FAAH2: variants seen among roughly 807,000 people sequenced by gnomAD.
FAAH2 encodes the protein fatty-acid amide hydrolase 2.
Under a neutral mutation model 36.9 loss-of-function variants are expected in FAAH2, and 60 were observed. The ratio of observed to expected loss-of-function variants is 1.63; its 90% CI spans 1.32 to 2.02. The LOEUF (loss-of-function observed/expected upper bound fraction) is 2.02. FAAH2 is among the 30% of genes most tolerant of loss of function. The probability of loss-of-function intolerance (pLI) is 0.00; values close to 1 mark genes in which losing one functional copy is unlikely to be tolerated. For missense variants in FAAH2, 689 were observed against 397.5 expected, an observed-to-expected ratio of 1.73 and a Z score of -6.23; for synonymous variants, 214 against 143.8, an observed-to-expected ratio of 1.49 and a Z score of -3.49.
chrX:57,280,602 TG>T, the FAAH2 span, among the ~76,000 whole-genome samples: 1 of 109,027 alleles, frequency 9.2e-6, no homozygotes, highest in African/African-American at 3.3e-5. Context: ...CATATATTGC[TG>T]GTGGCATAAA....
chrX:57,351,973 T>C (rs1394097544), intron 5 of FAAH2, among the ~76,000 whole-genome samples: 1 of 91,963 alleles, frequency 1.1e-5, no homozygotes, highest in Non-Finnish European at 2.1e-5. Flanking sequence ...AAGGCCAGGA[T>C]CACTCTGATA....
chrX:57,372,308 T>C (rs1218383759), intron 5 of FAAH2, among the ~76,000 whole-genome samples: 2 of 111,377 alleles, frequency 1.8e-5, no homozygotes, highest in Non-Finnish European at 3.8e-5. Flanking sequence ...TGCCAGCATC[T>C]GTAATTTTTT....
At chrX:57,436,357 TA>T (rs768259739) in intron 8 of FAAH2, among the ~76,000 whole-genome samples, 311 of 102,997 alleles carry the variant, frequency 3.0e-3, no homozygotes, top group African/African-American at 9.5e-3. Flanking sequence ...GAAAATGAGT[TA>T]AAAAAAAAAA....
At chrX:57,185,488 CTGTGTGTGTGTG>C in the FAAH2 span, among the ~76,000 whole-genome samples, 17 of 94,012 alleles carry the variant, frequency 1.8e-4, no homozygotes, top group African/African-American at 5.6e-4. Flanking sequence ...CTCTCTGTCT[CTGTGTGTGTGTG>C]TGTGTGTGTG....
intron 8 of FAAH2, among the ~76,000 whole-genome samples, chrX:57,438,211 CTATA>C (rs755805658): frequency 1.0e-5 from 1 of 96,476 alleles, no homozygotes; most frequent in Non-Finnish European, 2.0e-5. Context: ...ATCTATATCA[CTATA>C]TATATATCAG....
intron 10 of FAAH2, among the ~76,000 whole-genome samples, chrX:57,460,874 G>T (rs953164001): frequency 9.0e-6 from 1 of 111,323 alleles, no homozygotes; most frequent in African/African-American, 3.3e-5. Flanking sequence ...ATAAAGAGTC[G>T]AGACCCATCA....
intron 8 of FAAH2, among the ~76,000 whole-genome samples, chrX:57,445,510 A>C (rs1417415715): frequency 1.8e-5 from 2 of 111,431 alleles, no homozygotes; most frequent in Non-Finnish European, 3.8e-5. Context: ...TAATGTTTAT[A>C]GGAGACTCTG....
In FAAH2 at chrX:57,447,004, G is replaced by T. The variant is rs1237602143; in HGVS notation, c.1193G>T (p.Cys398Phe). 8 of 1,208,218 alleles carry T rather than the reference G, an allele frequency of 6.6e-6. No homozygotes were observed. The highest frequency in any genetic ancestry group is 9.0e-6 in the Non-Finnish European group (8 of 893,279). Residue 398 changes from cysteine (C) to phenylalanine (F), a missense_variant, in exon 9 of 11, where the codon TGC becomes TTC. By Grantham distance (205) the Cys-to-Phe change is radical. Coordinates refer to ENST00000374900, the MANE Select transcript of FAAH2 (RefSeq NM_174912.4). ...CCTCTGTGGGAGTTGATCAAATGGT[G>T]CCTGGGTCTGTCAGTGTACACCATC... is the stretch of plus-strand genomic sequence containing the variant. ...VSPLWELIKWCLGLSVYTIPS... is the reference protein window; with the variant it reads ...VSPLWELIKWFLGLSVYTIPS...
intron 5 of FAAH2, among the ~76,000 whole-genome samples, chrX:57,350,058 C>T (rs894286903): frequency 9.0e-6 from 1 of 111,080 alleles, no homozygotes; most frequent in Non-Finnish European, 1.9e-5. Flanking sequence ...AACAATGACC[C>T]TCTCAGCAGA....
chrX:57,321,158 G>A (rs184649064), intron 3 of FAAH2, among the ~76,000 whole-genome samples: 1 of 109,243 alleles, frequency 9.2e-6, no homozygotes, highest in East Asian at 2.9e-4. Flanking sequence ...AAAGAAAACC[G>A]GATGAATGCA....
chrX:57,378,666 A>T lies in FAAH2; in HGVS notation c.758A>T (p.Lys253Ile). 1 of 1,210,993 alleles carries T rather than the reference A, an allele frequency of 8.3e-7. No individual in the cohort carries two copies. Among genetic ancestry groups the T allele is most frequent in the Non-Finnish European group, 1.1e-6 (1 of 895,112 alleles). ...HKPSPGVVPN[K>I]GQFPLAVGAQ... ...ATCCTTTCAGGTGTGGTTCCCAACAAAGGTCAGTTTCCCTTGGCTGTGGGA... is the reference window on the plus strand; with the variant it reads ...ATCCTTTCAGGTGTGGTTCCCAACATAGGTCAGTTTCCCTTGGCTGTGGGA... The change falls in exon 6 of 11, where the codon AAA becomes ATA. Residue 253 changes from lysine (K) to isoleucine (I), a missense_variant. Coordinates refer to ENST00000374900, the MANE Select transcript of FAAH2 (RefSeq NM_174912.4).
chrX:57,260,741 ATATG>A, the FAAH2 span, among the ~76,000 whole-genome samples: 1 of 109,980 alleles, frequency 9.1e-6, no homozygotes, highest in African/African-American at 3.3e-5. Flanking sequence ...GGATCAAAGG[ATATG>A]TGTGTGTGTG....
At chrX:57,425,877 A>T (rs1161699879) in intron 7 of FAAH2, among the ~76,000 whole-genome samples, 3 of 111,994 alleles carry the variant, frequency 2.7e-5, no homozygotes, top group African/African-American at 9.7e-5. Flanking sequence ...AATGAATTAA[A>T]TACTCCACTT....
At chrX:57,403,233 C>T (rs966061128) in intron 7 of FAAH2, among the ~76,000 whole-genome samples, 3 of 112,288 alleles carry the variant, frequency 2.7e-5, no homozygotes, top group Admixed American at 9.4e-5. Flanking sequence ...GCCAGCACCC[C>T]TAGTAATTTT....
chrX:57,353,852 C>T (rs2147113280), intron 5 of FAAH2, among the ~76,000 whole-genome samples: 1 of 111,140 alleles, frequency 9.0e-6, no homozygotes, highest in East Asian at 2.8e-4. Context: ...GAAAAACGCT[C>T]AGTATCACTA....
intron 2 of FAAH2, among the ~76,000 whole-genome samples, chrX:57,304,788 C>T (rs2052472481): frequency 9.0e-6 from 1 of 111,594 alleles, no homozygotes; most frequent in Non-Finnish European, 1.9e-5. Flanking sequence ...CTCTTTATCT[C>T]AGTTTCCTCA....
At chrX:57,420,270 G>T (rs1365743925) in intron 7 of FAAH2, among the ~76,000 whole-genome samples, 1 of 111,603 alleles carries the variant, frequency 9.0e-6, no homozygotes, top group Non-Finnish European at 1.9e-5. Flanking sequence ...GTCATTGGTA[G>T]CTTGATGGGG....
chrX:57,287,876 A>G (rs1308589694), intron 1 of FAAH2, among the ~76,000 whole-genome samples: 1 of 111,295 alleles, frequency 9.0e-6, no homozygotes, highest in East Asian at 2.8e-4. Flanking sequence ...AGCAAATACT[A>G]TCTCAGTATG....
At chrX:57,333,122 G>T (rs946580043) in intron 4 of FAAH2, among the ~76,000 whole-genome samples, 39 of 110,884 alleles carry the variant, frequency 3.5e-4, no homozygotes, top group Admixed American at 9.6e-5. Context: ...TTCTATAATG[G>T]GAGTTCTATA....
Sources: allele counts gnomAD v4.1 joint callset (sites outside exome capture counted in the v4.1 genomes callset), GRCh38; gene constraint gnomAD v4.1.1; transcripts MANE v1.5; gene names NCBI Gene and HGNC (gene_info 2026-07-23, HGNC 2026-07-21).